CREG2: variants seen among roughly 807,000 people sequenced by gnomAD.
CREG2 encodes protein CREG2.
In CREG2, 24 loss-of-function variants were observed where a neutral mutation model predicts 26.2. The ratio of observed to expected loss-of-function variants is 0.92; its 90% confidence interval spans 0.66 to 1.29. The LOEUF (loss-of-function observed/expected upper bound fraction) is 1.29. Ranked by LOEUF, CREG2 falls within the 50% of genes most tolerant of loss-of-function variation. The pLI is 0.00. For synonymous variants in CREG2, 174 were observed against 169.2 expected (o/e 1.03, Z -0.22); for missense variants, 366 against 398.6 (o/e 0.92, Z 0.70).
intron 2 of CREG2, among the ~76,000 whole-genome samples, chr2:101,360,806 A>T (rs1238400055): frequency 6.6e-6 from 1 of 152,158 alleles, no homozygotes; most frequent in African/African-American, 2.4e-5. Flanking sequence ...TGTGGTTGTT[A>T]AGTTGTAAAT....
At chr2:101,358,192 A>C (rs1359683509) in intron 2 of CREG2, among the ~76,000 whole-genome samples, 2 of 152,048 alleles carry the variant, frequency 1.3e-5, no homozygotes, top group South Asian at 2.1e-4. Context: ...TGGTTTCACC[A>C]TGTTGGCCAG....
intron 3 of CREG2, 38 bp downstream of exon 3, chr2:101,355,215 G>A: frequency 3.1e-6 from 4 of 1,287,698 alleles, no homozygotes; most frequent in Non-Finnish European, 4.5e-6. Flanking sequence ...TTAGTATTGT[G>A]TATTTCTGGG....
rs947943344 is a variant in CREG2 at position 101,382,635 on chromosome 2, G to C, written c.611+898C>G. On this transcript the variant is annotated intron_variant, in intron 2 of 3. Coordinates refer to ENST00000324768, the MANE Select transcript of CREG2 (RefSeq NM_153836.4). Reference sequence around the variant, plus strand: ...CTGTCGTGGCTGAGGGGAAACAATGGCTTATCCAGGATGCATCTTGCATTG... The same window carrying C: ...CTGTCGTGGCTGAGGGGAAACAATGCCTTATCCAGGATGCATCTTGCATTG... 15 of 985,258 alleles carry C rather than the reference G, an allele frequency of 1.5e-5. No individual in the cohort carries two copies. The African/African-American group carries it at 2.6e-4, about 17-fold the overall frequency. 61.0% of individuals were successfully genotyped at this position (985,258 alleles called of 1,614,324 possible). A position where few individuals can be genotyped will look rare whatever the true frequency, so the allele number is the denominator to read the frequency against.
intron 3 of CREG2, 64 bp downstream of exon 3, chr2:101,355,189 G>T: frequency 1.8e-6 from 2 of 1,092,754 alleles, no homozygotes; most frequent in Non-Finnish European, 2.8e-6. Flanking sequence ...TAATGGCACA[G>T]CCTGACCTCT....
At chr2:101,371,211 G>A (rs746040255) in intron 2 of CREG2, among the ~76,000 whole-genome samples, 5 of 152,126 alleles carry the variant, frequency 3.3e-5, no homozygotes, top group Admixed American at 1.3e-4. Context: ...TCTGCATCAC[G>A]GAGGATCCAG....
chr2:101,384,870 T>C (rs530838566), intron 1 of CREG2, among the ~76,000 whole-genome samples: 3 of 151,884 alleles, frequency 2.0e-5, no homozygotes, highest in Admixed American at 2.0e-4. Context: ...ATAAAATAAA[T>C]AAATAAAAAT....
intron 2 of CREG2, among the ~76,000 whole-genome samples, chr2:101,363,546 T>G (rs1381854926): frequency 6.6e-5 from 10 of 152,232 alleles, no homozygotes; most frequent in Non-Finnish European, 1.5e-5. Flanking sequence ...GTTTTATTTT[T>G]ATGTGTTTGT....
intron 1 of CREG2, among the ~76,000 whole-genome samples, chr2:101,384,467 G>A (rs546378204): frequency 7.7e-4 from 117 of 152,230 alleles, no homozygotes; most frequent in African/African-American, 2.7e-3. Flanking sequence ...AGGCCAAGTG[G>A]GAAGGGTTTG....
chr2:101,383,875 A>G (rs1337177171), intron 1 of CREG2, among the ~76,000 whole-genome samples, 173 bp from the exon 2 acceptor site: 1 of 152,144 alleles, frequency 6.6e-6, no homozygotes, highest in Non-Finnish European at 1.5e-5. Flanking sequence ...CAGTCTGCCC[A>G]ATTCACTCCG....
chr2:101,368,287 CAA>C (rs11451947), intron 2 of CREG2, among the ~76,000 whole-genome samples: 4 of 103,314 alleles, frequency 3.9e-5, no homozygotes, highest in Admixed American at 1.1e-4. Context: ...GACTCCATCT[CAA>C]AAAAAAAAAA....
At chr2:101,353,537 A>G (rs62156062) in intron 3 of CREG2, among the ~76,000 whole-genome samples, 18,742 of 152,254 alleles carry the variant, frequency 0.12, 1,349 homozygotes, top group East Asian at 0.23. Context: ...TACTTCAACC[A>G]TTGTGGAAGA....
At chr2:101,355,040 A>G (rs1684435581) in intron 3 of CREG2, among the ~76,000 whole-genome samples, 1 of 152,182 alleles carries the variant, frequency 6.6e-6, no homozygotes, top group Admixed American at 6.5e-5. Flanking sequence ...TGTACCTGGA[A>G]TAGCTCAGTG....
chr2:101,346,029 AG>A lies in CREG2; in HGVS notation c.*4893del, dbSNP rs1199964614. On this transcript the variant is annotated 3_prime_UTR_variant, in exon 4 of 4. Transcript: ENST00000324768. ...TTAATAAATATTTTTTGTAGAGATG[AG>A]GTCTCACTATGTTGCCCAGGCTGCT... The A allele has an allele frequency of 6.8e-6, 1 of 147,722 alleles. No homozygotes were observed. Among genetic ancestry groups the A allele is most frequent in the African/African-American group, 2.5e-5 (1 of 39,878 alleles). The allele number at this position is 147,722 out of a possible 1,614,324, so 9.2% of individuals were successfully genotyped here.
At chr2:101,379,510 G>A (rs1684838359) in intron 2 of CREG2, among the ~76,000 whole-genome samples, 1 of 152,058 alleles carries the variant, frequency 6.6e-6, no homozygotes, top group Admixed American at 6.6e-5. Flanking sequence ...TTTCAACTTG[G>A]ATCTAACTTT....
chr2:101,386,848 G>C (rs1007867915), intron 1 of CREG2, among the ~76,000 whole-genome samples, 169 bp downstream of exon 1: 39 of 152,204 alleles, frequency 2.6e-4, no homozygotes, highest in Non-Finnish European at 1.3e-4. Flanking sequence ...GGCTCACGGA[G>C]GCACCATCGC....
Position 101,350,788 on chromosome 2 carries a change from C to T in CREG2, c.*135G>A, listed in dbSNP as rs765810501. 7.4e-5 allele frequency: 64 copies of T among 864,708 alleles called. No homozygotes were observed. Among genetic ancestry groups the T allele is most frequent in the Non-Finnish European group, 1.1e-4 (60 of 543,410 alleles). 53.6% of individuals were successfully genotyped at this position (864,708 alleles called of 1,614,324 possible). On this transcript the variant is annotated 3_prime_UTR_variant, in exon 4 of 4. Coordinates refer to ENST00000324768, the MANE Select transcript of CREG2 (RefSeq NM_153836.4). ...TAGCATAGAGTTCCCTGTTCACCCT[C>T]TCTCATTCTGCTGCAGGGATGGCAG...
At chr2:101,353,034 A>G (rs1357277773) in intron 3 of CREG2, among the ~76,000 whole-genome samples, 2 of 152,228 alleles carry the variant, frequency 1.3e-5, no homozygotes, top group Non-Finnish European at 2.9e-5. Context: ...AAACTTGGCA[A>G]TGCTGTTGTC....
rs1478877721 is a variant in CREG2, at chr2:101,387,420, C to CCCGGCCGCGCCGGCCG, written c.22_37dup (p.Gly13AlafsTer49). On this transcript the variant is annotated frameshift_variant, in exon 1 of 4. Transcript: ENST00000324768. LOFTEE classifies it high-confidence loss of function. This position sits in a 1 kb window ranked among gnomAD's most constrained non-coding sequence, Gnocchi z 4.7. ...GCACAGCAGCCAGGAGAGGCGGGTCCCCGGCCGCGCCGGCCGCCGGCCGCG... is the reference window on the plus strand; with the variant it reads ...GCACAGCAGCCAGGAGAGGCGGGTCCCCGGCCGCGCCGGCCGCCGGCCGCGCCGGCCGCCGGCCGCG... The CCCGGCCGCGCCGGCCG allele has an allele frequency of 2.4e-6, 3 of 1,269,842 alleles. No individual in the cohort carries two copies. Among genetic ancestry groups the CCCGGCCGCGCCGGCCG allele is most frequent in the Middle Eastern group, 2.7e-4 (1 of 3,674 alleles). 78.7% of individuals were successfully genotyped at this position (1,269,842 alleles called of 1,614,324 possible). A position where few individuals can be genotyped will look rare whatever the true frequency, so the allele number is the denominator to read the frequency against.
Position 101,348,342 on chromosome 2 carries a change from T to C in CREG2, c.*2581A>G, listed in dbSNP as rs1460150494. ...TTGTATAGGTCTACAAAATCCTTGT[T>C]GAGATTTTGATAGGAATTGCATTAA... On this transcript the variant is annotated 3_prime_UTR_variant, in exon 4 of 4. Coordinates refer to ENST00000324768, the MANE Select transcript of CREG2 (RefSeq NM_153836.4). 2 of 152,254 alleles carry C rather than the reference T, an allele frequency of 1.3e-5. No individual in the cohort carries two copies. Among genetic ancestry groups the C allele is most frequent in the African/African-American group, 4.8e-5 (2 of 41,474 alleles). The allele number at this position is 152,254 out of a possible 1,614,324, so 9.4% of individuals were successfully genotyped here.
Sources: gnomAD v4.1 joint callset for allele counts (sites outside exome capture counted in the v4.1 genomes callset) on GRCh38, gnomAD v4.1.1 for gene constraint, Gnocchi (gnomAD v3.1) non-coding constraint, MANE v1.5 for transcripts, NCBI Gene and HGNC (gene_info 2026-07-23, HGNC 2026-07-21) for gene names.